Variants in L3MBTL4 observed in about 807,000 individuals in gnomAD.
The protein encoded by L3MBTL4 is L3MBTL histone methyl-lysine binding protein 4, also known as lethal(3)malignant brain tumor-like protein 4.
L3MBTL4 carries 70 observed loss-of-function variants against 84.5 expected under a neutral mutation model. That is an observed-to-expected ratio of 0.83 (90% confidence interval 0.68 to 1.01). The LOEUF (loss-of-function observed/expected upper bound fraction) is 1.01. Among genes scored for constraint, L3MBTL4 ranks in the 50% least tolerant of loss-of-function variants. The probability of loss-of-function intolerance (pLI) is 0.00; values close to 1 mark genes in which losing one functional copy is unlikely to be tolerated. For synonymous variants in L3MBTL4, 274 were observed against 259.8 expected, an observed-to-expected ratio of 1.05 and a Z score of -0.52; for missense variants, 715 against 754.8, an observed-to-expected ratio of 0.95 and a Z score of 0.62.
At chr18:6,265,630 CG>C (rs1478344498) in intron 4 of L3MBTL4, among the ~76,000 whole-genome samples, 1 of 152,074 alleles carries the variant, frequency 6.6e-6, no homozygotes, top group African/African-American at 2.4e-5. Flanking sequence ...AGACACAAAA[CG>C]GTGTCTATTT....
At chr18:6,112,401 A>T (rs2059222639) in intron 14 of L3MBTL4, among the ~76,000 whole-genome samples, 1 of 152,204 alleles carries the variant, frequency 6.6e-6, no homozygotes, top group Admixed American at 6.5e-5. Context: ...ACTGACTGGG[A>T]AAGCGGATAA....
In L3MBTL4 at chr18:6,049,073, C is replaced by T. The variant is rs540101037; in HGVS notation, c.1444+31808G>A. 2.6e-5 allele frequency among the ~76,000 whole-genome samples: 4 copies of T among 152,174 alleles called. No homozygotes were observed. In the South Asian group the frequency reaches 8.3e-4, roughly 32 times the overall value. ...GGCAGAGGTGAGGGGAGAGCTTGAG[C>T]CCAGGCGTTTGAGACTTGCCTGGGC... On this transcript the variant is annotated intron_variant, in intron 16 of 18. Transcript: ENST00000317931.
intron 7 of L3MBTL4, among the ~76,000 whole-genome samples, chr18:6,242,618 G>C (rs2047498155): frequency 6.6e-6 from 1 of 152,176 alleles, no homozygotes; most frequent in South Asian, 2.1e-4. Flanking sequence ...AGGAATAAAG[G>C]ACTGTATACT....
At chr18:6,028,271 C>T (rs1046472513) in intron 16 of L3MBTL4, among the ~76,000 whole-genome samples, 7 of 152,120 alleles carry the variant, frequency 4.6e-5, no homozygotes, top group African/African-American at 1.7e-4. Context: ...TAGCCAGTTT[C>T]CCAGCACCAT....
At chr18:5,961,032 G>A (rs1360593513) in intron 17 of L3MBTL4, among the ~76,000 whole-genome samples, 1 of 152,222 alleles carries the variant, frequency 6.6e-6, no homozygotes, top group East Asian at 1.9e-4. Flanking sequence ...GGGGATGAAA[G>A]GCAGGCTGAA....
chr18:6,081,105 T>G, intron 15 of L3MBTL4, 154 bp from the exon 16 acceptor site: 1 of 510,006 alleles, frequency 2.0e-6, no homozygotes, highest in South Asian at 3.7e-5. Context: ...ATTTTAAGTT[T>G]AAGATTTTAA....
chr18:6,074,292 T>C (rs1042200178), intron 16 of L3MBTL4, among the ~76,000 whole-genome samples: 7 of 152,234 alleles, frequency 4.6e-5, no homozygotes, highest in Admixed American at 2.0e-4. Context: ...CTTCCAGTGT[T>C]ATCCCTTCCT....
intron 16 of L3MBTL4, among the ~76,000 whole-genome samples, chr18:6,009,322 T>A (rs2054629321): frequency 6.6e-6 from 1 of 152,178 alleles, no homozygotes; most frequent in African/African-American, 2.4e-5. Context: ...GGCCAGTCTC[T>A]GGTCCTCAGG....
intron 12 of L3MBTL4, among the ~76,000 whole-genome samples, chr18:6,195,342 T>C (rs920595919): frequency 2.0e-5 from 3 of 152,366 alleles, no homozygotes; most frequent in Middle Eastern, 3.4e-3. Flanking sequence ...GGATGTCCGC[T>C]ACCCTGTGCC....
chr18:6,380,359 CT>C (rs1464627066), intron 1 of L3MBTL4, among the ~76,000 whole-genome samples: 1 of 152,076 alleles, frequency 6.6e-6, no homozygotes, highest in Non-Finnish European at 1.5e-5. Context: ...CTTCTGCTAC[CT>C]TTTGAATTTG....
chr18:6,156,783 G>T (rs74826050), intron 13 of L3MBTL4, among the ~76,000 whole-genome samples: 2,735 of 152,214 alleles, frequency 0.018, 42 homozygotes, highest in South Asian at 0.034. Flanking sequence ...CTGTAAATTC[G>T]CACAGAGCTG....
rs1400565775 is a variant in L3MBTL4 at position 6,162,774 on chromosome 18, GTGATTTTCCCGTAAGAAAAGTGAAGA to G, written c.1096+9028_1096+9053del. Among the ~76,000 whole-genome samples the G allele has an allele frequency of 3.9e-5, 6 of 152,324 alleles. No individual in the cohort carries two copies. In the East Asian group the frequency reaches 1.2e-3, roughly 29 times the overall value. On this transcript the variant is annotated intron_variant, in intron 13 of 18. Coordinates refer to ENST00000317931, the MANE Select transcript of L3MBTL4 (RefSeq NM_001330559.2). ...AGGCATTTGACAACAACTGAGCGGTGTGATTTTCCCGTAAGAAAAGTGAAGATACAGAGGACAGCTATAGAAAGGTA... is the reference window on the plus strand; with the variant it reads ...AGGCATTTGACAACAACTGAGCGGTGTACAGAGGACAGCTATAGAAAGGTA...
chr18:6,342,166 T>C (rs1218573372), intron 1 of L3MBTL4, among the ~76,000 whole-genome samples: 1 of 152,268 alleles, frequency 6.6e-6, no homozygotes, highest in East Asian at 1.9e-4. Context: ...GGACACTAAT[T>C]AGCAATGTGA....
At chr18:6,196,367 C>T (rs2045393183) in intron 12 of L3MBTL4, among the ~76,000 whole-genome samples, 1 of 152,038 alleles carries the variant, frequency 6.6e-6, no homozygotes, top group Admixed American at 6.6e-5. Context: ...CCGTGTTGGC[C>T]AGGATGGTCT....
intron 13 of L3MBTL4, among the ~76,000 whole-genome samples, chr18:6,141,733 T>G (rs1158166904): frequency 2.0e-5 from 3 of 152,268 alleles, no homozygotes; most frequent in Non-Finnish European, 2.9e-5. Context: ...GCCATCTTCC[T>G]TCTTGAAGAA....
intron 14 of L3MBTL4, among the ~76,000 whole-genome samples, chr18:6,109,791 T>C (rs1200934644): frequency 6.6e-6 from 1 of 152,194 alleles, no homozygotes; most frequent in Non-Finnish European, 1.5e-5. Flanking sequence ...CCTCTCTTTA[T>C]TTAAAAATGA....
At chr18:6,346,103 AATATATATATATAT>A (rs34294575) in intron 1 of L3MBTL4, among the ~76,000 whole-genome samples, 10 of 129,824 alleles carry the variant, frequency 7.7e-5, no homozygotes, top group African/African-American at 2.7e-4. Flanking sequence ...ATGATGTTGG[AATATATATATATAT>A]ATATATATAT....
intron 16 of L3MBTL4, among the ~76,000 whole-genome samples, chr18:5,974,401 A>AGATAAGACAC (rs2144879069): frequency 6.7e-6 from 1 of 148,362 alleles, no homozygotes; most frequent in African/African-American, 2.5e-5. Context: ...TCCAAAGAAA[A>AGATAAGACAC]GTCATTGCTT....
chr18:6,142,282 G>A (rs599911), intron 13 of L3MBTL4, among the ~76,000 whole-genome samples: 2 of 152,206 alleles, frequency 1.3e-5, no homozygotes, highest in Non-Finnish European at 2.9e-5. Flanking sequence ...TTGTGGAACA[G>A]GTGAGTGTTC....
Sources: allele counts gnomAD v4.1 joint callset (sites outside exome capture counted in the v4.1 genomes callset), GRCh38; gene constraint gnomAD v4.1.1; transcripts MANE v1.5; gene names NCBI Gene and HGNC (gene_info 2026-07-23, HGNC 2026-07-21).